Variants in RPN2 observed in about 807,000 individuals in gnomAD.
RPN2 encodes the protein dolichyl-diphosphooligosaccharide--protein glycosyltransferase subunit 2.
A neutral mutation model predicts 71.4 loss-of-function variants in RPN2; 29 were observed. The ratio of observed to expected loss-of-function variants is 0.41; its 90% confidence interval spans 0.30 to 0.55. The LOEUF (loss-of-function observed/expected upper bound fraction) is 0.55, where lower values mean the gene tolerates loss of function less well. Among genes scored for constraint, RPN2 ranks in the 20% least tolerant of loss-of-function variants. The probability of loss-of-function intolerance (pLI) is 0.35; values close to 1 mark genes in which losing one functional copy is unlikely to be tolerated. For missense variants in RPN2, 726 were observed against 774.1 expected, an observed-to-expected ratio of 0.94 and a Z score of 0.74; for synonymous variants, 308 against 305.0, an observed-to-expected ratio of 1.01 and a Z score of -0.10.
intron 1 of RPN2, among the ~76,000 whole-genome samples, chr20:37,182,430 AC>A (rs2066907046): frequency 6.6e-6 from 1 of 151,868 alleles, no homozygotes; most frequent in Non-Finnish European, 1.5e-5. Context: ...TCTCTTTCTC[AC>A]CCAGGGTGGA....
intron 4 of RPN2, chr20:37,200,451 G>A: frequency 1.9e-6 from 1 of 532,860 alleles, no homozygotes; most frequent in Non-Finnish European, 3.9e-6. Context: ...CTGAAGGAGG[G>A]TGTGGAGCAC....
chr20:37,206,793 C>G (rs1375212781), intron 6 of RPN2, among the ~76,000 whole-genome samples: 1 of 152,070 alleles, frequency 6.6e-6, no homozygotes, highest in Non-Finnish European at 1.5e-5. Flanking sequence ...ACTGCAACCT[C>G]CACCTCCTGG....
chr20:37,208,473 G>A (rs1205639235), intron 7 of RPN2, among the ~76,000 whole-genome samples: 3 of 152,084 alleles, frequency 2.0e-5, no homozygotes, highest in East Asian at 1.9e-4. Context: ...GCCGTGGTGC[G>A]ATCATGGCCC....
At chr20:37,212,336 C>T (rs2067693433) in intron 8 of RPN2, among the ~76,000 whole-genome samples, 1 of 152,110 alleles carries the variant, frequency 6.6e-6, no homozygotes, top group South Asian at 2.1e-4. Flanking sequence ...TACCTGTAGT[C>T]CAGCTACTTG....
intron 4 of RPN2, among the ~76,000 whole-genome samples, chr20:37,202,098 C>T (rs1208379024): frequency 6.6e-6 from 1 of 152,198 alleles, no homozygotes; most frequent in Non-Finnish European, 1.5e-5. Flanking sequence ...TCTAAAACTT[C>T]TGAGGTTGTT....
rs138480831 is a variant in RPN2, at chr20:37,208,185, G to T, written c.867+736G>T. 3.3e-5 allele frequency among the ~76,000 whole-genome samples: 5 copies of T among 150,974 alleles called. No homozygotes were observed. In the South Asian group the frequency reaches 1.0e-3, roughly 31 times the overall value. ...CTCAGGAGGCTGAGGCAGGAGAATC[G>T]CTTGAACCTGGGAGGCAGAGGTTGC... On this transcript the variant is annotated intron_variant, in intron 7 of 16. Transcript: ENST00000237530.
In RPN2 at chr20:37,204,918, T is replaced by G; in HGVS notation, c.690+17T>G. 6.2e-7 allele frequency: 1 copy of G among 1,614,132 alleles called. No homozygotes were observed. Among genetic ancestry groups the G allele is most frequent in the Non-Finnish European group, 8.5e-7 (1 of 1,180,012 alleles). ...ATTAAGGAGGTACCTATCTAACAAT[T>G]TTCAGGCATGAAACCCAAAGGGGTC... is the stretch of plus-strand genomic sequence containing the variant. On this transcript the variant is annotated intron_variant, in intron 6 of 16. Transcript: ENST00000237530.
chr20:37,229,742 T>C, intron 12 of RPN2: 1 of 582,164 alleles, frequency 1.7e-6, no homozygotes, highest in Non-Finnish European at 3.1e-6. Context: ...ATGGGGCTAC[T>C]ATACCAGCAG....
chr20:37,232,681 C>T (rs1301554695), intron 14 of RPN2, among the ~76,000 whole-genome samples: 1 of 152,094 alleles, frequency 6.6e-6, no homozygotes, highest in African/African-American at 2.4e-5. Flanking sequence ...CAGATGAGAT[C>T]TAGTGTGAAC....
rs370384827 is a variant in RPN2 at position 37,195,420 on chromosome 20, T to A, written c.208-2977T>A. 8.9e-4 allele frequency among the ~76,000 whole-genome samples: 136 copies of A among 152,242 alleles called. 1 individual carries two copies. Among genetic ancestry groups the A allele is most frequent in the African/African-American group, 3.2e-3 (132 of 41,466 alleles). Reference sequence around the variant, plus strand: ...AGTGGGCTCTTGAGAAGTGGAGGTTTTATAGCTCAGACACCAGAGCCAGGC... The same window carrying A: ...AGTGGGCTCTTGAGAAGTGGAGGTTATATAGCTCAGACACCAGAGCCAGGC... On this transcript the variant is annotated intron_variant, in intron 2 of 16. Transcript: ENST00000237530.
At chr20:37,217,357 A>G (rs1382529548) in intron 9 of RPN2, among the ~76,000 whole-genome samples, 1 of 151,762 alleles carries the variant, frequency 6.6e-6, no homozygotes, top group African/African-American at 2.4e-5. Flanking sequence ...CAGTGGCGCA[A>G]TCCCGGCTCA....
intron 2 of RPN2, among the ~76,000 whole-genome samples, chr20:37,192,132 T>G (rs566240136): frequency 6.6e-6 from 1 of 152,206 alleles, no homozygotes; most frequent in East Asian, 1.9e-4. Flanking sequence ...AAAAAATGCC[T>G]CCCTTATAAA....
chr20:37,216,767 G>A (rs573410395), intron 9 of RPN2, among the ~76,000 whole-genome samples: 1 of 152,192 alleles, frequency 6.6e-6, no homozygotes, highest in Admixed American at 6.5e-5. Context: ...TGGCCCTCCA[G>A]TGTCTTTTGA....
intron 13 of RPN2, 53 bp from the exon 14 acceptor site, chr20:37,232,243 G>A (rs2068267469): frequency 1.2e-6 from 2 of 1,603,246 alleles, no homozygotes; most frequent in Admixed American, 1.7e-5. Flanking sequence ...ATACATGGCT[G>A]CCCCTACTGG....
intron 10 of RPN2, among the ~76,000 whole-genome samples, chr20:37,224,201 TA>T (rs112469534): frequency 0.046 from 7,021 of 152,288 alleles, 454 homozygotes; most frequent in African/African-American, 0.14. Flanking sequence ...AACTATTTAT[TA>T]ACCAGTCCTC....
At chr20:37,180,903 G>A (rs1232963729) in intron 1 of RPN2, among the ~76,000 whole-genome samples, 1 of 152,152 alleles carries the variant, frequency 6.6e-6, no homozygotes, top group East Asian at 1.9e-4. Context: ...TACCATTAGA[G>A]TGTAAGTCAA....
intron 16 of RPN2, among the ~76,000 whole-genome samples, chr20:37,238,045 T>TA (rs1369963988): frequency 6.6e-6 from 1 of 152,070 alleles, no homozygotes; most frequent in African/African-American, 2.4e-5. Flanking sequence ...TAATAAAAAT[T>TA]AAGAAAAAAA....
At chr20:37,209,060 A>G (rs184484214) in intron 7 of RPN2, among the ~76,000 whole-genome samples, 2 of 152,328 alleles carry the variant, frequency 1.3e-5, no homozygotes, top group Admixed American at 1.3e-4. Context: ...CTGAAGTTAA[A>G]TAGATGGTTT....
chr20:37,207,133 A>G (rs1028387836), intron 6 of RPN2, 140 bp from the exon 7 acceptor site: 7 of 702,186 alleles, frequency 1.0e-5, no homozygotes, highest in African/African-American at 1.7e-5. Flanking sequence ...CGTTTTCTCC[A>G]TCTACGAATT....
Sources: gnomAD v4.1 joint callset for allele counts (sites outside exome capture counted in the v4.1 genomes callset) on GRCh38, gnomAD v4.1.1 for gene constraint, MANE v1.5 for transcripts, NCBI Gene and HGNC (gene_info 2026-07-23, HGNC 2026-07-21) for gene names.